Variants in DPH5 observed in about 807,000 individuals in gnomAD.
DPH5 encodes diphthamide biosynthesis 5.
Under a neutral mutation model 31.6 loss-of-function variants are expected in DPH5, and 31 were observed. The ratio of observed to expected loss-of-function variants is 0.98; its 90% CI spans 0.74 to 1.32. DPH5 has a LOEUF of 1.32. Ranked by LOEUF, DPH5 falls within the 40% of genes most tolerant of loss-of-function variation. DPH5 has a pLI of 0.00. For missense variants in DPH5, 309 were observed against 335.7 expected (o/e 0.92, Z 0.62); for synonymous variants, 120 against 115.0 (o/e 1.04, Z -0.28).
intron 3 of DPH5, among the ~76,000 whole-genome samples, chr1:101,017,781 G>A (rs1046083898): frequency 6.6e-6 from 1 of 152,090 alleles, no homozygotes. Flanking sequence ...AATAAAACTG[G>A]TATGAAAAAT....
At chr1:101,001,729 A>C (rs1024817936) in intron 4 of DPH5, 142 bp from the exon 5 acceptor site, 22 of 654,286 alleles carry the variant, frequency 3.4e-5, no homozygotes, top group Non-Finnish European at 5.6e-5. Flanking sequence ...TCACCAAAAA[A>C]GGTAACAGGA....
chr1:101,011,762 A>C (rs1259645839), intron 4 of DPH5: 1 of 152,176 alleles, frequency 6.6e-6, no homozygotes, highest in African/African-American at 2.4e-5. Context: ...GGGCTAGTTA[A>C]CTTTCTTTAC....
chr1:101,013,802 C>T lies in DPH5; in HGVS notation c.277G>A (p.Asp93Asn). 1 of 1,612,592 alleles carries T rather than the reference C, an allele frequency of 6.2e-7. No homozygotes were observed. Among genetic ancestry groups the T allele is most frequent in the African/African-American group, 1.3e-5 (1 of 75,014 alleles). ...AGCTTTGTTGCTCTTAGAACAAGAT[C>T]ACTGTGTGTTGTGGCCCTGTAGTGA... Reference protein sequence around the residue: ...GDPFGATTHSDLVLRATKLGI... With the variant: ...GDPFGATTHSNLVLRATKLGI... Residue 93 changes from aspartate to asparagine, a missense_variant, in exon 4 of 8, where the codon GAT (aspartate) becomes AAT (asparagine). By Grantham distance (23) the Asp-to-Asn change is conservative (BLOSUM62 1). Transcript: ENST00000370109.
chr1:100,998,507 T>TAAAAAAAAA (rs5776553), intron 5 of DPH5, among the ~76,000 whole-genome samples: 1 of 137,466 alleles, frequency 7.3e-6, no homozygotes. Context: ...AACCTTATCT[T>TAAAAAAAAA]AAAAAAAAAA....
intron 4 of DPH5, among the ~76,000 whole-genome samples, chr1:101,012,428 AC>A (rs1659764797): frequency 6.6e-6 from 1 of 152,120 alleles, no homozygotes; most frequent in Admixed American, 6.5e-5. Context: ...TCCCTTGGAC[AC>A]CCCCAGAAGG....
intron 3 of DPH5, among the ~76,000 whole-genome samples, chr1:101,016,243 A>G (rs1188728493): frequency 6.6e-6 from 1 of 151,698 alleles, no homozygotes; most frequent in Non-Finnish European, 1.5e-5. Context: ...AGTCCCAGCT[A>G]CTCGGGAGGG....
At chr1:100,990,667 C>G in intron 7 of DPH5, 36 bp from the exon 8 acceptor site, 1 of 1,584,860 alleles carries the variant, frequency 6.3e-7, no homozygotes, top group Non-Finnish European at 8.7e-7. Flanking sequence ...TTCAATTCAG[C>G]AAATGCATCA....
chr1:101,019,813 T>C (rs1660323520), intron 3 of DPH5, among the ~76,000 whole-genome samples: 1 of 151,384 alleles, frequency 6.6e-6, no homozygotes, highest in Non-Finnish European at 1.5e-5. Context: ...AAAGGGCAAA[T>C]TAAAGAAGTC....
chr1:101,022,477 T>C (rs1660527523), intron 2 of DPH5, among the ~76,000 whole-genome samples: 1 of 152,202 alleles, frequency 6.6e-6, no homozygotes, highest in Non-Finnish European at 1.5e-5. Flanking sequence ...AGTAAGCTAG[T>C]AGTCATCTGA....
At position 101,025,775 on chromosome 1, in the gene DPH5, C is replaced by A. The variant is rs1267316085; in HGVS notation, c.-116G>T. 5 of 269,080 alleles carry A rather than the reference C, an allele frequency of 1.9e-5. No homozygotes were observed. Among genetic ancestry groups the A allele is most frequent in the African/African-American group, 9.0e-5 (4 of 44,524 alleles). 16.7% of individuals were successfully genotyped at this position (269,080 alleles called of 1,614,324 possible). On this transcript the variant is annotated 5_prime_UTR_variant, in exon 1 of 8. Transcript: ENST00000370109. ...CAACTGCAAAAGCGCCGGCTCCGTG[C>A]AGAGAAAAGGCCCACGCCGCCGGCC...
rs2893311 is a variant in DPH5 at position 101,015,203 on chromosome 1, A to G, written c.261-1385T>C. 8.6e-3 allele frequency among the ~76,000 whole-genome samples: 1,313 copies of G among 152,240 alleles called. 11 individuals are homozygous for G. The highest frequency in any genetic ancestry group is 0.037 in the East Asian group (192 of 5,188). On this transcript the variant is annotated intron_variant, in intron 3 of 7. Coordinates refer to ENST00000370109, the MANE Select transcript of DPH5 (RefSeq NM_015958.3). Reference sequence around the variant, plus strand: ...AGACTCATCAGAGAAATCACTATCTAGGGCAGCTACAGCCTCACAAAATAT... The same window carrying G: ...AGACTCATCAGAGAAATCACTATCTGGGGCAGCTACAGCCTCACAAAATAT...
At chr1:101,008,871 C>A (rs116023366) in intron 4 of DPH5, among the ~76,000 whole-genome samples, 1,804 of 152,240 alleles carry the variant, frequency 0.012, 46 homozygotes, top group Non-Finnish European at 0.011. Context: ...TAGTAAATTA[C>A]CACGCTGTGC....
At position 100,992,760 on chromosome 1, in the gene DPH5, T is replaced by C. The variant is rs1281846497; in HGVS notation, c.531-20A>G. 3 of 1,557,158 alleles carry C rather than the reference T, an allele frequency of 1.9e-6. No individual in the cohort carries two copies. The highest frequency in any genetic ancestry group is 1.8e-6 in the Non-Finnish European group (2 of 1,129,248). On this transcript the variant is annotated intron_variant, in intron 6 of 7. Coordinates refer to ENST00000370109, the MANE Select transcript of DPH5 (RefSeq NM_015958.3). Reference sequence around the variant, plus strand: ...CTTCCCCTATAGGCAGAAAACTAGATGCCACTGTTCTTAGCCATGAAACTA... The same window carrying C: ...CTTCCCCTATAGGCAGAAAACTAGACGCCACTGTTCTTAGCCATGAAACTA...
intron 3 of DPH5, 79 bp from the exon 4 acceptor site, chr1:101,013,897 T>C: frequency 9.0e-7 from 1 of 1,114,330 alleles, no homozygotes; most frequent in Non-Finnish European, 1.3e-6. Flanking sequence ...TGAGTTCATG[T>C]CAATTAAAGA....
chr1:101,020,763 C>A (rs935985246), intron 3 of DPH5, among the ~76,000 whole-genome samples: 1 of 152,066 alleles, frequency 6.6e-6, no homozygotes, highest in Non-Finnish European at 1.5e-5. Context: ...TACTCCTTTC[C>A]TTTTCCTTAT....
intron 4 of DPH5, among the ~76,000 whole-genome samples, chr1:101,012,192 C>T (rs955192241): frequency 7.9e-5 from 12 of 152,196 alleles, no homozygotes; most frequent in African/African-American, 2.7e-4. Flanking sequence ...TGAGCTACCA[C>T]GCCCAGCCAT....
intron 3 of DPH5, among the ~76,000 whole-genome samples, chr1:101,014,341 G>T (rs890658005): frequency 1.3e-5 from 2 of 152,260 alleles, no homozygotes; most frequent in African/African-American, 4.8e-5. Flanking sequence ...ACAATAATGT[G>T]AATATCAAAA....
chr1:101,005,254 C>A (rs928341609), intron 4 of DPH5, among the ~76,000 whole-genome samples: 25 of 152,314 alleles, frequency 1.6e-4, no homozygotes, highest in African/African-American at 5.5e-4. Context: ...GCTAAGAACT[C>A]TATTAAGCCC....
intron 4 of DPH5, among the ~76,000 whole-genome samples, chr1:101,013,307 A>C (rs755203158): frequency 3.9e-5 from 6 of 152,230 alleles, no homozygotes; most frequent in Non-Finnish European, 7.4e-5. Context: ...TTAAAAGCCC[A>C]TATCACTGGC....
Sources: gnomAD v4.1 joint callset for allele counts (sites outside exome capture counted in the v4.1 genomes callset) on GRCh38, gnomAD v4.1.1 for gene constraint, MANE v1.5 for transcripts, NCBI Gene and HGNC (gene_info 2026-07-23, HGNC 2026-07-21) for gene names.